Variants in FAM229B observed in about 807,000 individuals in gnomAD.
FAM229B encodes the protein family with sequence similarity 229 member B.
Under a neutral mutation model 6.7 loss-of-function variants are expected in FAM229B, and 2 were observed. The ratio of observed to expected loss-of-function variants is 0.30; its 90% CI spans 0.12 to 0.94. The LOEUF is 0.94. Ranked by LOEUF, FAM229B falls within the 40% of genes least tolerant of loss-of-function variation. The probability of loss-of-function intolerance (pLI) is 0.54; values close to 1 mark genes in which losing one functional copy is unlikely to be tolerated. For synonymous variants in FAM229B, 29 were observed against 34.0 expected (o/e 0.85, Z 0.51); for missense variants, 93 against 96.2 (o/e 0.97, Z 0.14).
intron 1 of FAM229B, among the ~76,000 whole-genome samples, chr6:112,091,711 C>A (rs191948570): frequency 5.9e-5 from 9 of 152,006 alleles, no homozygotes; most frequent in Admixed American, 2.6e-4. Context: ...GCCAGATATG[C>A]AAAGATGAGT....
At chr6:112,090,644 C>T (rs1554318098) in intron 1 of FAM229B, among the ~76,000 whole-genome samples, 1 of 152,052 alleles carries the variant, frequency 6.6e-6, no homozygotes, top group Non-Finnish European at 1.5e-5. Context: ...TGAGGGGTGT[C>T]TGGGGGCTAT....
In FAM229B at chr6:112,101,849, T is replaced by TA. The variant is rs1315407167; in HGVS notation, c.*1063dup. 2 of 152,122 alleles carry TA rather than the reference T, an allele frequency of 1.3e-5. No individual in the cohort carries two copies. Among genetic ancestry groups the TA allele is most frequent in the East Asian group, 1.9e-4 (1 of 5,194 alleles). The allele number at this position is 152,122 out of a possible 1,614,324, so 9.4% of individuals were successfully genotyped here. On this transcript the variant is annotated 3_prime_UTR_variant, in exon 4 of 4. Transcript: ENST00000368656. ...GTGAAAAGAAAAACTGCCAGGGAGT[T>TA]ATAAGAGGAAAAACTCTCAGAGCTC...
chr6:112,091,162 G>T (rs1777252529), intron 1 of FAM229B, among the ~76,000 whole-genome samples: 1 of 152,106 alleles, frequency 6.6e-6, no homozygotes, highest in South Asian at 2.1e-4. Context: ...GTTTATCCAT[G>T]TTGTCACAAA....
At chr6:112,095,439 C>T (rs1053501776) in intron 1 of FAM229B, among the ~76,000 whole-genome samples, 11 of 151,746 alleles carry the variant, frequency 7.2e-5, no homozygotes, top group African/African-American at 2.7e-4. Flanking sequence ...TGAGACTAGC[C>T]TGAGCAGCAT....
At chr6:112,099,836 T>C (rs1777373249) in intron 3 of FAM229B, among the ~76,000 whole-genome samples, 1 of 152,222 alleles carries the variant, frequency 6.6e-6, no homozygotes, top group South Asian at 2.1e-4. Flanking sequence ...TCACTTTGGC[T>C]TTGATTAGTA....
chr6:112,096,025 GCTCA>G (rs1448111836), intron 1 of FAM229B, among the ~76,000 whole-genome samples: 7 of 152,184 alleles, frequency 4.6e-5, no homozygotes, highest in African/African-American at 1.4e-4. Flanking sequence ...TGGTAAAAAT[GCTCA>G]CTAACATTTA....
rs782540935 is a variant in FAM229B, at chr6:112,100,976, C to T, written c.*189C>T. On this transcript the variant is annotated 3_prime_UTR_variant, in exon 4 of 4. Coordinates refer to ENST00000368656, the MANE Select transcript of FAM229B (RefSeq NM_001033564.3). Reference sequence around the variant, plus strand: ...TGTAGTGATAGGCTATCAGTTATGTCTGATACATAAGACAGAATAATATTT... The same window carrying T: ...TGTAGTGATAGGCTATCAGTTATGTTTGATACATAAGACAGAATAATATTT... The T allele has an allele frequency of 2.0e-5, 11 of 544,978 alleles. No individual in the cohort carries two copies. The highest frequency in any genetic ancestry group is 2.9e-5 in the Non-Finnish European group (9 of 305,802). The allele number at this position is 544,978 out of a possible 1,614,324, so 33.8% of individuals were successfully genotyped here. A position where few individuals can be genotyped will look rare whatever the true frequency, so the allele number is the denominator to read the frequency against.
At chr6:112,092,485 T>C (rs1273477583) in intron 1 of FAM229B, among the ~76,000 whole-genome samples, 3 of 151,802 alleles carry the variant, frequency 2.0e-5, no homozygotes, top group Non-Finnish European at 4.4e-5. Context: ...ACAATGAATA[T>C]GAAAAAAAGA....
At chr6:112,089,074 G>A (rs1280528719) in intron 1 of FAM229B, among the ~76,000 whole-genome samples, 2 of 152,156 alleles carry the variant, frequency 1.3e-5, no homozygotes, top group Non-Finnish European at 2.9e-5. Context: ...AGTTGAGATC[G>A]GTTGAACCGC....
chr6:112,093,502 A>G (rs1777283703), intron 1 of FAM229B, among the ~76,000 whole-genome samples: 1 of 152,122 alleles, frequency 6.6e-6, no homozygotes, highest in East Asian at 1.9e-4. Context: ...GAAGACTTGA[A>G]CAGTTCTATC....
intron 1 of FAM229B, among the ~76,000 whole-genome samples, chr6:112,091,176 C>T (rs782291211): frequency 2.6e-5 from 4 of 152,214 alleles, no homozygotes; most frequent in African/African-American, 9.6e-5. Flanking sequence ...TCACAAATGA[C>T]GGCATTTTCT....
chr6:112,099,460 T>C (rs1777368050), intron 3 of FAM229B, 52 bp downstream of exon 3: 1 of 1,524,302 alleles, frequency 6.6e-7, no homozygotes, highest in Non-Finnish European at 8.9e-7. Flanking sequence ...CTATCATCAA[T>C]ACAACCTTCA....
chr6:112,097,360 C>A (rs1777340059), intron 2 of FAM229B, among the ~76,000 whole-genome samples, 159 bp downstream of exon 2: 1 of 152,156 alleles, frequency 6.6e-6, no homozygotes. Context: ...TTATCATATT[C>A]AAATTTTTAA....
rs1283190910 is a variant in FAM229B at position 112,101,681 on chromosome 6, G to T, written c.*894G>T. 6.6e-6 allele frequency: 1 copy of T among 152,142 alleles called. No individual in the cohort carries two copies. Among genetic ancestry groups the T allele is most frequent in the Non-Finnish European group, 1.5e-5 (1 of 68,036 alleles). The allele number at this position is 152,142 out of a possible 1,614,324, so 9.4% of individuals were successfully genotyped here. A position where few individuals can be genotyped will look rare whatever the true frequency, so the allele number is the denominator to read the frequency against. Reference sequence around the variant, plus strand: ...TCTAATGAAATTGTCTTCTCCAAAAGACTGACTTTAGGATCAGATACAATT... The same window carrying T: ...TCTAATGAAATTGTCTTCTCCAAAATACTGACTTTAGGATCAGATACAATT... On this transcript the variant is annotated 3_prime_UTR_variant, in exon 4 of 4. Coordinates refer to ENST00000368656, the MANE Select transcript of FAM229B (RefSeq NM_001033564.3).
At chr6:112,090,328 T>C (rs587694233) in intron 1 of FAM229B, among the ~76,000 whole-genome samples, 18 of 152,318 alleles carry the variant, frequency 1.2e-4, no homozygotes, top group African/African-American at 4.1e-4. Context: ...ACATTTAAAT[T>C]CATTAGTTAA....
chr6:112,091,758 AAGAAATGGC>A (rs1777259868), intron 1 of FAM229B, among the ~76,000 whole-genome samples: 1 of 152,176 alleles, frequency 6.6e-6, no homozygotes, highest in Admixed American at 6.5e-5. Context: ...AAAACAGAAC[AAGAAATGGC>A]ACAAATGAAA....
At position 112,102,175 on chromosome 6, in the gene FAM229B, A is replaced by G. The variant is rs1301195738; in HGVS notation, c.*1388A>G. ...CTGGAGAAAAAATGACAGGAAGGAG[A>G]AAGGAGTGATGAAAAATTCCTCAGA... On this transcript the variant is annotated 3_prime_UTR_variant, in exon 4 of 4. Coordinates refer to ENST00000368656, the MANE Select transcript of FAM229B (RefSeq NM_001033564.3). 1 of 152,174 alleles carries G rather than the reference A, an allele frequency of 6.6e-6. No individual in the cohort carries two copies. Among genetic ancestry groups the G allele is most frequent in the Non-Finnish European group, 1.5e-5 (1 of 68,060 alleles). 9.4% of individuals were successfully genotyped at this position (152,174 alleles called of 1,614,324 possible). A position where few individuals can be genotyped will look rare whatever the true frequency, so the allele number is the denominator to read the frequency against.
chr6:112,091,773 TGAAA>T (rs370005322), intron 1 of FAM229B, among the ~76,000 whole-genome samples: 75 of 151,956 alleles, frequency 4.9e-4, no homozygotes, highest in East Asian at 2.5e-3. Flanking sequence ...ATGGCACAAA[TGAAA>T]GAATTAGTAA....
intron 1 of FAM229B, among the ~76,000 whole-genome samples, chr6:112,092,862 A>G (rs1439952991): frequency 2.0e-5 from 3 of 151,948 alleles, no homozygotes; most frequent in Non-Finnish European, 2.9e-5. Flanking sequence ...TATACTATAA[A>G]CCCTAAAGTA....
Sources: gnomAD v4.1 joint callset for allele counts (sites outside exome capture counted in the v4.1 genomes callset) on GRCh38, gnomAD v4.1.1 for gene constraint, MANE v1.5 for transcripts, NCBI Gene and HGNC (gene_info 2026-07-23, HGNC 2026-07-21) for gene names.